Variants in USH2A observed in about 807,000 individuals in gnomAD.
USH2A encodes Usher syndrome 2A (autosomal recessive, mild).
Under a neutral mutation model 538.9 loss-of-function variants are expected in USH2A, and 443 were observed. The ratio of observed to expected loss-of-function variants is 0.82; its 90% confidence interval spans 0.76 to 0.89. The LOEUF (loss-of-function observed/expected upper bound fraction) is 0.89, where lower values mean the gene tolerates loss of function less well. Ranked by LOEUF, USH2A falls within the 40% of genes least tolerant of loss-of-function variation. The pLI, the probability that USH2A is intolerant of heterozygous loss-of-function variation, is 0.00. For synonymous variants in USH2A, 2,413 were observed against 2,273.5 expected (o/e 1.06, Z -1.75); for missense variants, 6,633 against 6,324.8 (o/e 1.05, Z -1.65).
chr1:215,777,600 G>T (rs755320672), intron 55 of USH2A, among the ~76,000 whole-genome samples: 14 of 152,144 alleles, frequency 9.2e-5, no homozygotes, highest in Non-Finnish European at 1.9e-4. Context: ...TTTCACCACT[G>T]CATCCTGTAT....
chr1:215,831,543 C>G (rs533419637), intron 47 of USH2A, among the ~76,000 whole-genome samples: 1 of 152,196 alleles, frequency 6.6e-6, no homozygotes, highest in South Asian at 2.1e-4. Context: ...ACTGGAAACT[C>G]AGATAGAAAC....
chr1:216,153,058 G>A (rs1305834908), intron 21 of USH2A, among the ~76,000 whole-genome samples: 1 of 152,114 alleles, frequency 6.6e-6, no homozygotes, highest in South Asian at 2.1e-4. Context: ...TCCAGGGGAA[G>A]ATCATCTTCC....
intron 44 of USH2A, among the ~76,000 whole-genome samples, chr1:215,863,042 A>G (rs976048790): frequency 9.2e-5 from 14 of 152,202 alleles, no homozygotes; most frequent in African/African-American, 2.9e-4. Context: ...GAACTTTGAG[A>G]AACATCTTTA....
chr1:215,956,921 C>T (rs1248310701), intron 37 of USH2A, among the ~76,000 whole-genome samples: 2 of 152,108 alleles, frequency 1.3e-5, no homozygotes, highest in South Asian at 4.1e-4. Flanking sequence ...TCAATACATT[C>T]AGTGCATATA....
intron 14 of USH2A, among the ~76,000 whole-genome samples, chr1:216,221,799 T>C (rs924378718): frequency 3.3e-5 from 5 of 152,228 alleles, no homozygotes; most frequent in South Asian, 2.1e-4. Context: ...TCAGATATGA[T>C]AGCAGAATCA....
intron 11 of USH2A, among the ~76,000 whole-genome samples, chr1:216,270,508 A>C (rs528042053): frequency 6.6e-6 from 1 of 152,134 alleles, no homozygotes; most frequent in East Asian, 1.9e-4. Flanking sequence ...ATTCTTTCAC[A>C]TTGTTCTATA....
intron 11 of USH2A, among the ~76,000 whole-genome samples, chr1:216,254,154 G>A (rs778277712): frequency 2.0e-5 from 3 of 151,990 alleles, no homozygotes; most frequent in African/African-American, 7.3e-5. Flanking sequence ...TAATCTCTCT[G>A]TAACACATAT....
At position 216,224,431 on chromosome 1, in the gene USH2A, G is replaced by A. The variant is rs74141523; in HGVS notation, c.2994-6881C>T. On this transcript the variant is annotated intron_variant, in intron 14 of 71. Coordinates refer to ENST00000307340, the MANE Select transcript of USH2A (RefSeq NM_206933.4). Reference sequence around the variant, plus strand: ...AGATTTTTTTTGCTTCATTGTTTTCGATACTGATTAAATCATGTTTGCTTT... The same window carrying A: ...AGATTTTTTTTGCTTCATTGTTTTCAATACTGATTAAATCATGTTTGCTTT... Among the ~76,000 whole-genome samples, 1,304 of 152,018 alleles carry A rather than the reference G, an allele frequency of 8.6e-3. 18 individuals carry two copies. The highest frequency in any genetic ancestry group is 0.03 in the African/African-American group (1,232 of 41,474).
chr1:216,141,472 T>C (rs895875803), intron 21 of USH2A, among the ~76,000 whole-genome samples: 1 of 152,198 alleles, frequency 6.6e-6, no homozygotes, highest in African/African-American at 2.4e-5. Context: ...TTAGGCTGCC[T>C]CCTGGATTAC....
At chr1:215,948,346 G>A (rs1666808748) in intron 37 of USH2A, among the ~76,000 whole-genome samples, 1 of 150,948 alleles carries the variant, frequency 6.6e-6, no homozygotes, top group Non-Finnish European at 1.5e-5. Flanking sequence ...GAGAAAAGCT[G>A]AAATTACCTA....
At chr1:216,118,218 A>G (rs1194940043) in intron 21 of USH2A, among the ~76,000 whole-genome samples, 1 of 152,194 alleles carries the variant, frequency 6.6e-6, no homozygotes, top group Non-Finnish European at 1.5e-5. Flanking sequence ...ATTTGGCCCT[A>G]TATAAGTATT....
chr1:215,714,337 G>C (rs1659423013), intron 61 of USH2A, among the ~76,000 whole-genome samples: 2 of 152,148 alleles, frequency 1.3e-5, no homozygotes, highest in Admixed American at 6.5e-5. Flanking sequence ...GCCAGGTAAG[G>C]CTTTAGTGGT....
chr1:216,093,059 G>A (rs555227016), intron 22 of USH2A, among the ~76,000 whole-genome samples: 4 of 151,934 alleles, frequency 2.6e-5, no homozygotes, highest in South Asian at 2.1e-4. Context: ...TCTGCCTCCC[G>A]GGTTCAAGCA....
At position 215,854,770 on chromosome 1, in the gene USH2A, A is replaced by T. The variant is rs181068716; in HGVS notation, c.8846-8737T>A. Among the ~76,000 whole-genome samples, 20 of 152,290 alleles carry T rather than the reference A, an allele frequency of 1.3e-4. 1 individual carries two copies. Among genetic ancestry groups the T allele is most frequent in the Admixed American group, 1.0e-3 (16 of 15,292 alleles). On this transcript the variant is annotated intron_variant, in intron 44 of 71. Transcript: ENST00000307340. ...AGTGCATGAATAACCTGGTCACCCC[A>T]TCCTAATCTTTTGTTATGCAGATGG...
At chr1:216,122,318 G>C (rs965264130) in intron 21 of USH2A, among the ~76,000 whole-genome samples, 6 of 152,140 alleles carry the variant, frequency 3.9e-5, no homozygotes, top group African/African-American at 1.4e-4. Context: ...CCAAGAGAGG[G>C]ACACAGGCTA....
At chr1:215,821,154 G>C (rs1663001961) in intron 47 of USH2A, among the ~76,000 whole-genome samples, 1 of 151,660 alleles carries the variant, frequency 6.6e-6, no homozygotes, top group South Asian at 2.1e-4. Flanking sequence ...GTTTCATGAG[G>C]AACCCCCATA....
intron 56 of USH2A, 95 bp downstream of exon 56, chr1:215,766,586 C>T (rs1358630852): frequency 1.7e-5 from 20 of 1,160,206 alleles, no homozygotes; most frequent in Admixed American, 5.1e-5. Context: ...AACTTTATTG[C>T]CTCTTCCTTA....
chr1:216,190,526 G>A (rs1160125645), intron 19 of USH2A, among the ~76,000 whole-genome samples, 159 bp from the exon 20 acceptor site: 1 of 147,962 alleles, frequency 6.8e-6, no homozygotes, highest in Non-Finnish European at 1.5e-5. Context: ...GAAGAGTCTC[G>A]ACAAGCCAGG....
At chr1:215,988,960 T>C (rs879266492) in intron 35 of USH2A, among the ~76,000 whole-genome samples, 3 of 152,122 alleles carry the variant, frequency 2.0e-5, no homozygotes, top group African/African-American at 4.8e-5. Context: ...CTTTCACGAG[T>C]AGGAGATGAT....
Sources: allele counts gnomAD v4.1 joint callset (sites outside exome capture counted in the v4.1 genomes callset), GRCh38; gene constraint gnomAD v4.1.1; transcripts MANE v1.5; gene names NCBI Gene and HGNC (gene_info 2026-07-23, HGNC 2026-07-21).